DCHS1: variants seen among roughly 807,000 people sequenced by gnomAD.
DCHS1 encodes protocadherin-16.
Under a neutral mutation model 213.9 loss-of-function variants are expected in DCHS1, and 78 were observed. The ratio of observed to expected loss-of-function variants is 0.36; its 90% CI spans 0.30 to 0.44. The LOEUF (loss-of-function observed/expected upper bound fraction) is 0.44. Among genes scored for constraint, DCHS1 ranks in the 20% least tolerant of loss-of-function variants. The probability of loss-of-function intolerance (pLI) is 1.00; values close to 1 mark genes in which losing one functional copy is unlikely to be tolerated. For synonymous variants in DCHS1, 1,828 were observed against 1,873.7 expected (o/e 0.98, Z 0.63); for missense variants, 3,946 against 4,395.9 (o/e 0.90, Z 2.89).
chr11:6,632,672 G>A lies in DCHS1; in HGVS notation c.2840C>T (p.Thr947Ile). 1 of 1,576,794 alleles carries A rather than the reference G, an allele frequency of 6.3e-7. No homozygotes were observed. Among genetic ancestry groups the A allele is most frequent in the Non-Finnish European group, 8.6e-7 (1 of 1,160,846 alleles). ...GGGAFTVDPT[T>I]GHVRLMRPLG... ...AGGCCTCATAAGCCGTACATGGCCT[G>A]TGGTGGGGTCCACGGTGAAGGCTCC... The change falls in exon 6 of 21, where the codon ACA (threonine) becomes ATA (isoleucine). Residue 947 changes from threonine (T) to isoleucine (I), a missense_variant. Coordinates refer to ENST00000299441, the MANE Select transcript of DCHS1 (RefSeq NM_003737.4). The surrounding 1 kb of genome is among the most constrained non-coding windows in gnomAD (Gnocchi z 5.9).
chr11:6,624,612 G>T, intron 20 of DCHS1, 118 bp downstream of exon 20: 1 of 1,456,450 alleles, frequency 6.9e-7, no homozygotes, highest in Non-Finnish European at 9.3e-7. Flanking sequence ...GGGAGGAAAT[G>T]TCCTCCCTAG....
intron 1 of DCHS1, among the ~76,000 whole-genome samples, chr11:6,653,106 C>T (rs1856268168): frequency 2.0e-5 from 3 of 152,182 alleles, no homozygotes; most frequent in Non-Finnish European, 4.4e-5. Context: ...CTTTCTGTGG[C>T]CTCCTAGACC....
In DCHS1 at chr11:6,640,114, A is replaced by G; in HGVS notation, c.1500T>C (p.Pro500=). 6.2e-7 allele frequency: 1 copy of G among 1,613,654 alleles called. No individual in the cohort carries two copies. Among genetic ancestry groups the G allele is most frequent in the Non-Finnish European group, 8.5e-7 (1 of 1,179,720 alleles). Residue 500 remains proline, a synonymous_variant, in exon 2 of 21, where the codon CCT becomes CCC. Coordinates refer to ENST00000299441, the MANE Select transcript of DCHS1 (RefSeq NM_003737.4). This position sits in a 1 kb window ranked among gnomAD's most constrained non-coding sequence, Gnocchi z 6.5. The part of the protein sequence containing the change: ...SFVVRVTARD[P]DQGTNGQVTY... ...TGACCTGACCATTGGTGCCTTGGTC[A>G]GGATCCCGAGCAGTCACCCGCACTA...
In DCHS1 at chr11:6,627,917, A is replaced by G. The variant is rs1340395345; in HGVS notation, c.5372-250T>C. Among the ~76,000 whole-genome samples, 1 of 152,258 alleles carries G rather than the reference A, an allele frequency of 6.6e-6. No homozygotes were observed. Among genetic ancestry groups the G allele is most frequent in the African/African-American group, 2.4e-5 (1 of 41,468 alleles). ...AAGATCAAAATTATTTCATAGCACTACTAAGCCATTATATGGCCTTTTTAT... is the reference window on the plus strand; with the variant it reads ...AAGATCAAAATTATTTCATAGCACTGCTAAGCCATTATATGGCCTTTTTAT... On this transcript the variant is annotated intron_variant, in intron 13 of 20. Transcript: ENST00000299441. This position sits in a 1 kb window ranked among gnomAD's most constrained non-coding sequence, Gnocchi z 5.4.
chr11:6,621,763 C>G lies in DCHS1; in HGVS notation c.*16G>C. On this transcript the variant is annotated 3_prime_UTR_variant, in exon 21 of 21. Transcript: ENST00000299441. ...CACTGTGCGCATCCCAGGTCGGGGC[C>G]CAGCCTGGGCCACAGCTAGATGTGC... 1.3e-6 allele frequency: 2 copies of G among 1,563,242 alleles called. No homozygotes were observed. Among genetic ancestry groups the G allele is most frequent in the Non-Finnish European group, 1.7e-6 (2 of 1,155,038 alleles).
At chr11:6,647,533 G>A (rs1376595022) in intron 1 of DCHS1, among the ~76,000 whole-genome samples, 1 of 152,202 alleles carries the variant, frequency 6.6e-6, no homozygotes, top group Non-Finnish European at 1.5e-5. Context: ...GAGCAAAAGA[G>A]GCAGAGGAAA....
chr11:6,650,364 G>A (rs1244751049), intron 1 of DCHS1, among the ~76,000 whole-genome samples: 1 of 152,170 alleles, frequency 6.6e-6, no homozygotes, highest in Non-Finnish European at 1.5e-5. Flanking sequence ...GTTGAAAGTG[G>A]CCTGGTGTCA....
In DCHS1 at chr11:6,630,855, G is replaced by A. The variant is rs908151065; in HGVS notation, c.3939C>T (p.Pro1313=). The change falls in exon 10 of 21, where the codon CCC becomes CCT. Residue 1313 remains proline, a synonymous_variant. Coordinates refer to ENST00000299441, the MANE Select transcript of DCHS1 (RefSeq NM_003737.4). The part of the protein sequence containing the change: ...ASLQLLVQVL[P]SARLAEPPPD... ...GGGGCGGCTCGGCCAAGCGAGCTGA[G>A]GGAAGCACCTGTTGTGGACCGGGGA... The A allele has an allele frequency of 6.6e-7, 1 of 1,525,472 alleles. No homozygotes were observed. Among genetic ancestry groups the A allele is most frequent in the Admixed American group, 2.1e-5 (1 of 48,690 alleles). 94.5% of individuals were successfully genotyped at this position (1,525,472 alleles called of 1,614,324 possible). A position where few individuals can be genotyped will look rare whatever the true frequency, so the allele number is the denominator to read the frequency against.
rs759617544 is a variant in DCHS1 at position 6,626,959 on chromosome 11, A to T, written c.6080T>A (p.Val2027Glu). 6.2e-6 allele frequency: 10 copies of T among 1,613,630 alleles called. No homozygotes were observed. Among genetic ancestry groups the T allele is most frequent in the Non-Finnish European group, 7.6e-6 (9 of 1,179,892 alleles). ...GACACGATCTCGGGGGCCTAGAGCT[A>T]CAGGAGAGCGGGCCACGCGGATTTC... ...TGEIRVARSP[V>E]ALGPRDRVLF... Residue 2027 changes from valine to glutamate, a missense_variant, in exon 14 of 21, where the codon GTA becomes GAA. By Grantham distance (121) the Val-to-Glu change is moderately radical. Around this residue, in one of 3 missense-constraint regions of DCHS1, gnomAD observed 3,384 missense variants for 3,780.1 expected, o/e 0.90. Transcript: ENST00000299441. This position sits in a 1 kb window ranked among gnomAD's most constrained non-coding sequence, Gnocchi z 5.2.
chr11:6,633,592 C>G lies in DCHS1; in HGVS notation c.2275G>C (p.Glu759Gln), dbSNP rs1481886308. The G allele has an allele frequency of 1.3e-6, 2 of 1,597,376 alleles. No individual in the cohort carries two copies. Among genetic ancestry groups the G allele is most frequent in the South Asian group, 2.3e-5 (2 of 88,630 alleles). Residue 759 changes from glutamate to glutamine, a missense_variant, in exon 5 of 21, where the codon GAG becomes CAG. Glu to Gln is a conservative substitution (Grantham distance 29, BLOSUM62 2). Around this residue, in one of 3 missense-constraint regions of DCHS1, gnomAD observed 3,384 missense variants for 3,780.1 expected, o/e 0.90. Transcript: ENST00000299441. The stretch of plus-strand genomic sequence containing the variant: ...CCACCTCCGTCCTCAGCCCCGATCT[C>G]CAGCTGCACCACAGAATTGGCCCGT... ...ARRANSVVQL[E>Q]IGAEDGGGLQ...
chr11:6,637,777 CT>C (rs1051406471), intron 2 of DCHS1, among the ~76,000 whole-genome samples: 22 of 152,242 alleles, frequency 1.4e-4, no homozygotes, highest in African/African-American at 5.1e-4. Flanking sequence ...GAAACTATTT[CT>C]TTGCACATGA....
At chr11:6,629,338 GC>G in intron 12 of DCHS1, 113 bp downstream of exon 12, 2 of 1,424,304 alleles carry the variant, frequency 1.4e-6, no homozygotes, top group Non-Finnish European at 1.9e-6. Flanking sequence ...CATAACAGGA[GC>G]TTTGTGGTAA....
Position 6,623,614 on chromosome 11 carries a change from C to T in DCHS1, c.8062G>A (p.Ala2688Thr). 1.2e-6 allele frequency: 2 copies of T among 1,613,846 alleles called. No individual in the cohort carries two copies. The highest frequency in any genetic ancestry group is 2.2e-5 in the East Asian group (1 of 44,888). Residue 2688 changes from alanine (A) to threonine (T), a missense_variant, in exon 21 of 21, where the codon GCT (alanine) becomes ACT (threonine). This residue lies in a region of DCHS1 where 3,384 missense variants were observed against 3,780.1 expected (regional missense o/e 0.90). Transcript: ENST00000299441. The part of the protein sequence containing the change: ...QAADPAGAHF[A>T]LAPVTIEVQD... The stretch of plus-strand genomic sequence containing the variant: ...ACCTCAATTGTCACTGGTGCCAAAG[C>T]AAAGTGTGCACCAGCAGGGTCAGCA...
intron 1 of DCHS1, among the ~76,000 whole-genome samples, chr11:6,645,211 G>A (rs1203136969): frequency 6.6e-6 from 1 of 152,198 alleles, no homozygotes; most frequent in African/African-American, 2.4e-5. Flanking sequence ...GAATGCTGGG[G>A]TTGTATGTGT....
intron 12 of DCHS1, among the ~76,000 whole-genome samples, chr11:6,629,119 TGCATGAGCTTGA>T (rs1241854157): frequency 2.0e-5 from 3 of 152,226 alleles, no homozygotes; most frequent in Non-Finnish European, 4.4e-5. Flanking sequence ...ACTTCCAAGC[TGCATGAGCTTGA>T]GCAAGTCACT....
Position 6,624,038 on chromosome 11 carries a change from T to C in DCHS1, c.7638A>G (p.Pro2546=). The C allele has an allele frequency of 6.2e-7, 1 of 1,613,492 alleles. No individual in the cohort carries two copies. The change falls in exon 21 of 21, where the codon CCA becomes CCG. Residue 2546 remains proline, a synonymous_variant. Transcript: ENST00000299441. ...RLAEAGESAG[P]GPRALGCLVL... ...CCAGGCAGCCCAGTGCCCGGGGGCC[T>C]GGTCCAGCACTCTCCCCAGCCTCAG... is the stretch of plus-strand genomic sequence containing the variant.
intron 2 of DCHS1, among the ~76,000 whole-genome samples, chr11:6,636,748 C>T (rs1000016835): frequency 6.6e-6 from 1 of 152,200 alleles, no homozygotes; most frequent in African/African-American, 2.4e-5. Context: ...TGTTCTTACA[C>T]ACTGTTCCCT....
In DCHS1 at chr11:6,624,272, C is replaced by T. The variant is rs748807086; in HGVS notation, c.7404G>A (p.Val2468=). The T allele has an allele frequency of 3.7e-6, 6 of 1,607,838 alleles. No individual in the cohort carries two copies. The highest frequency in any genetic ancestry group is 1.7e-5 in the Admixed American group (1 of 58,960). Residue 2468 remains valine, a synonymous_variant, in exon 21 of 21, where the codon GTG becomes GTA. Transcript: ENST00000299441. Reference sequence around the variant, plus strand: ...CGTTCTGGTCCTGCAGCTGCACGTGCACTGTGGCTCGTGCTGCCCGGCCTG... The same window carrying T: ...CGTTCTGGTCCTGCAGCTGCACGTGTACTGTGGCTCGTGCTGCCCGGCCTG... ...GAPGRAARAT[V]HVQLQDQNDH...
At position 6,632,792 on chromosome 11, in the gene DCHS1, G is replaced by C; in HGVS notation, c.2720C>G (p.Thr907Ser). 6.2e-7 allele frequency: 1 copy of C among 1,613,900 alleles called. No individual in the cohort carries two copies. The highest frequency in any genetic ancestry group is 1.1e-5 in the South Asian group (1 of 91,042). ...TGTATAGATGGGAGTCCCTGGGGCAGTGTTTGGTGGTAGCAATACCGTGTC... is the reference window on the plus strand; with the variant it reads ...TGTATAGATGGGAGTCCCTGGGGCACTGTTTGGTGGTAGCAATACCGTGTC... The part of the protein sequence containing the change: ...PEDTVLLPPN[T>S]APGTPIYTLR... The change falls in exon 6 of 21, where the codon ACT becomes AGT. Residue 907 changes from threonine to serine, a missense_variant. By Grantham distance (58) the Thr-to-Ser change is moderately conservative. Transcript: ENST00000299441. This position sits in a 1 kb window ranked among gnomAD's most constrained non-coding sequence, Gnocchi z 5.9.
Sources: allele counts gnomAD v4.1 joint callset (sites outside exome capture counted in the v4.1 genomes callset), GRCh38; gene constraint gnomAD v4.1.1; regional missense constraint gnomAD v4.1.1; non-coding constraint Gnocchi (gnomAD v3.1); transcripts MANE v1.5; gene names NCBI Gene and HGNC (gene_info 2026-07-23, HGNC 2026-07-21).